The following MACROD2 variants were observed in gnomAD, a reference collection of about 807,000 sequenced individuals.
MACROD2 encodes the protein ADP-ribose glycohydrolase MACROD2.
MACROD2 carries 36 observed loss-of-function variants against 70.4 expected under a neutral mutation model. That is an observed-to-expected ratio of 0.51 (90% CI 0.39 to 0.68). The LOEUF (loss-of-function observed/expected upper bound fraction) is 0.68, where lower values mean the gene tolerates loss of function less well. Ranked by LOEUF, MACROD2 falls within the 30% of genes least tolerant of loss-of-function variation. The pLI is 0.00. For missense variants in MACROD2, 496 were observed against 538.4 expected, an observed-to-expected ratio of 0.92 and a Z score of 0.78; for synonymous variants, 172 against 178.8, an observed-to-expected ratio of 0.96 and a Z score of 0.30.
chr20:14,209,500 A>T (rs951946587), intron 3 of MACROD2, among the ~76,000 whole-genome samples: 4 of 152,336 alleles, frequency 2.6e-5, no homozygotes, highest in African/African-American at 9.6e-5. Context: ...GTGATATAAC[A>T]TGTGATATTA....
intron 15 of MACROD2, among the ~76,000 whole-genome samples, chr20:16,003,734 G>A (rs902431939): frequency 6.6e-6 from 1 of 152,074 alleles, no homozygotes; most frequent in African/African-American, 2.4e-5. Context: ...GCAGTGGCGT[G>A]ATCTCAGCTC....
chr20:14,920,920 T>A (rs1445745411), intron 5 of MACROD2, among the ~76,000 whole-genome samples: 1 of 152,120 alleles, frequency 6.6e-6, no homozygotes. Flanking sequence ...AAATAATAAT[T>A]TAACTTCAAA....
At chr20:14,290,292 A>G (rs1412396767) in intron 3 of MACROD2, among the ~76,000 whole-genome samples, 2 of 152,198 alleles carry the variant, frequency 1.3e-5, no homozygotes, top group African/African-American at 2.4e-5. Context: ...AAATTAAAAG[A>G]TAGATACATA....
intron 3 of MACROD2, among the ~76,000 whole-genome samples, chr20:14,441,463 TG>T (rs1160207678): frequency 6.6e-6 from 1 of 152,182 alleles, no homozygotes; most frequent in Non-Finnish European, 1.5e-5. Context: ...TATACAGCAG[TG>T]GATAACTGAT....
intron 8 of MACROD2, among the ~76,000 whole-genome samples, chr20:15,694,273 T>C (rs2050336678): frequency 6.6e-6 from 1 of 152,204 alleles, no homozygotes; most frequent in African/African-American, 2.4e-5. Context: ...TACTTTTAGT[T>C]CTTTAAGGAA....
At chr20:15,119,330 T>C (rs1362228381) in intron 5 of MACROD2, among the ~76,000 whole-genome samples, 1 of 152,198 alleles carries the variant, frequency 6.6e-6, no homozygotes, top group Non-Finnish European at 1.5e-5. Flanking sequence ...TATATTTTTC[T>C]TCCTATTTAC....
chr20:15,929,880 G>C (rs1253363097), intron 10 of MACROD2, among the ~76,000 whole-genome samples: 1 of 152,160 alleles, frequency 6.6e-6, no homozygotes, highest in African/African-American at 2.4e-5. Context: ...AATATTGGTT[G>C]AAAGAGTAGG....
chr20:15,732,092 G>A (rs911189491), intron 8 of MACROD2, among the ~76,000 whole-genome samples: 1 of 150,168 alleles, frequency 6.7e-6, no homozygotes, highest in African/African-American at 2.5e-5. Context: ...TGCACCACTT[G>A]TGGAACACAG....
chr20:15,601,799 C>T (rs1446593206), intron 8 of MACROD2, among the ~76,000 whole-genome samples: 8 of 152,168 alleles, frequency 5.3e-5, no homozygotes, highest in East Asian at 3.9e-4. Context: ...GAGGCCGAGG[C>T]GGGTGGATCA....
chr20:15,182,396 G>A (rs2076506785), intron 5 of MACROD2, among the ~76,000 whole-genome samples: 1 of 152,082 alleles, frequency 6.6e-6, no homozygotes, highest in Admixed American at 6.6e-5. Flanking sequence ...GAATAAAGGT[G>A]GTGGGGAAAT....
At chr20:15,112,431 AT>A (rs754403331) in intron 5 of MACROD2, among the ~76,000 whole-genome samples, 22 of 152,236 alleles carry the variant, frequency 1.4e-4, no homozygotes, top group Admixed American at 3.3e-4. Context: ...GTGAATTCTT[AT>A]TTGATTGCCT....
intron 3 of MACROD2, among the ~76,000 whole-genome samples, chr20:14,100,634 T>TTTTTTATTTTAAATATATATAAATATATA (rs1569158885): frequency 1.4e-5 from 2 of 140,542 alleles, no homozygotes; most frequent in African/African-American, 5.2e-5. Flanking sequence ...AAATATATAT[T>TTTTTTATTTTAAATATATATAAATATATA]TTTTTTATTT....
chr20:14,161,191 C>CTTTTTCT (rs2055182260), intron 3 of MACROD2, among the ~76,000 whole-genome samples: 1 of 136,932 alleles, frequency 7.3e-6, no homozygotes, highest in Non-Finnish European at 1.6e-5. Context: ...TTTTCTTTTT[C>CTTTTTCT]TTTTTTTTTT....
At chr20:15,712,998 G>A (rs1419160391) in intron 8 of MACROD2, among the ~76,000 whole-genome samples, 5 of 152,120 alleles carry the variant, frequency 3.3e-5, no homozygotes, top group Non-Finnish European at 7.3e-5. Flanking sequence ...ACCTGGTACT[G>A]TTTCTCAGTC....
At chr20:15,494,749 G>A (rs1479620837) in intron 7 of MACROD2, among the ~76,000 whole-genome samples, 1 of 83,066 alleles carries the variant, frequency 1.2e-5, no homozygotes, top group Non-Finnish European at 2.3e-5. Context: ...GTGTGTGTGT[G>A]TGTGTGTGTG....
chr20:15,369,918 C>T (rs566076109), intron 6 of MACROD2, among the ~76,000 whole-genome samples: 7 of 152,130 alleles, frequency 4.6e-5, no homozygotes, highest in South Asian at 2.1e-4. Flanking sequence ...AATTCTTGCA[C>T]CTGGAATCAT....
At chr20:14,644,085 G>GT (rs1378482298) in intron 4 of MACROD2, among the ~76,000 whole-genome samples, 1 of 152,080 alleles carries the variant, frequency 6.6e-6, no homozygotes, top group East Asian at 1.9e-4. Flanking sequence ...TATAATTCTG[G>GT]TTCTATTAAA....
chr20:15,082,229 G>A (rs574424440), intron 5 of MACROD2, among the ~76,000 whole-genome samples: 1 of 152,304 alleles, frequency 6.6e-6, no homozygotes, highest in South Asian at 2.1e-4. Context: ...TGGAGAAGAG[G>A]AGAGGACAGA....
intron 8 of MACROD2, among the ~76,000 whole-genome samples, chr20:15,760,808 G>A (rs1160204474): frequency 4.6e-5 from 7 of 152,040 alleles, no homozygotes; most frequent in Admixed American, 3.3e-4. Context: ...GACCAAATTC[G>A]CAATTCTATT....
Sources: gnomAD v4.1 joint callset for allele counts (sites outside exome capture counted in the v4.1 genomes callset) on GRCh38, gnomAD v4.1.1 for gene constraint, MANE v1.5 for transcripts, NCBI Gene and HGNC (gene_info 2026-07-23, HGNC 2026-07-21) for gene names.